Variants in KCNQ5 observed in about 807,000 individuals in gnomAD.
The protein encoded by KCNQ5 is potassium voltage-gated channel subfamily Q member 5.
In KCNQ5, 30 loss-of-function variants were observed where a neutral mutation model predicts 98.2. That is an observed-to-expected ratio of 0.31 (90% CI 0.23 to 0.41). KCNQ5 has a LOEUF of 0.41. Among genes scored for constraint, KCNQ5 ranks in the 10% least tolerant of loss-of-function variants. The probability of loss-of-function intolerance (pLI) is 1.00; values close to 1 mark genes in which losing one functional copy is unlikely to be tolerated. For missense variants in KCNQ5, 835 were observed against 1,182.5 expected (o/e 0.71, Z 4.31); for synonymous variants, 458 against 449.4 (o/e 1.02, Z -0.24).
chr6:73,010,392 ACC>A (rs778050293), intron 2 of KCNQ5, among the ~76,000 whole-genome samples: 186 of 152,136 alleles, frequency 1.2e-3, no homozygotes, highest in Non-Finnish European at 9.1e-4. Context: ...CATATGAAAA[ACC>A]TACAGCCAAC....
In KCNQ5 at chr6:72,902,436, G is replaced by A. The variant is rs1001276243; in HGVS notation, c.399-101472G>A. On this transcript the variant is annotated intron_variant, in intron 1 of 13. Coordinates refer to ENST00000370398, the MANE Select transcript of KCNQ5 (RefSeq NM_019842.4). ...TCTTGTTCCAGTTCTAAGAGGGAAT[G>A]CTTTCAACTTTTCCCCATTCAGTAT... 1.4e-4 allele frequency among the ~76,000 whole-genome samples: 21 copies of A among 152,186 alleles called. 1 individual carries two copies. The highest frequency in any genetic ancestry group is 2.9e-5 in the Non-Finnish European group (2 of 68,032).
At chr6:72,888,492 G>A (rs1038851597) in intron 1 of KCNQ5, among the ~76,000 whole-genome samples, 4 of 152,094 alleles carry the variant, frequency 2.6e-5, no homozygotes, top group African/African-American at 4.8e-5. Flanking sequence ...AACCTTAAGC[G>A]GACAAGAGTC....
chr6:73,182,406 CTG>C (rs1160316158), intron 11 of KCNQ5, among the ~76,000 whole-genome samples: 1 of 152,142 alleles, frequency 6.6e-6, no homozygotes, highest in African/African-American at 2.4e-5. Context: ...TTGCTCCCAG[CTG>C]TGTTTAGAGA....
intron 3 of KCNQ5, among the ~76,000 whole-genome samples, chr6:73,059,477 C>T (rs1246976785): frequency 1.3e-5 from 2 of 152,018 alleles, no homozygotes; most frequent in Non-Finnish European, 2.9e-5. Context: ...TTTTTACCTG[C>T]GTGATGAAAT....
At chr6:72,977,245 A>G (rs559337121) in intron 1 of KCNQ5, among the ~76,000 whole-genome samples, 1 of 152,356 alleles carries the variant, frequency 6.6e-6, no homozygotes, top group South Asian at 2.1e-4. Flanking sequence ...TACCTGGGAC[A>G]CAAAGAGTAT....
At chr6:73,052,956 T>A (rs1217028819) in intron 3 of KCNQ5, among the ~76,000 whole-genome samples, 1 of 152,142 alleles carries the variant, frequency 6.6e-6, no homozygotes, top group Non-Finnish European at 1.5e-5. Context: ...AGTGGCAAGT[T>A]GGACAAAGAA....
chr6:72,638,535 G>C (rs1352602241), intron 1 of KCNQ5, among the ~76,000 whole-genome samples: 1 of 152,030 alleles, frequency 6.6e-6, no homozygotes, highest in Non-Finnish European at 1.5e-5. Flanking sequence ...TACTGGAGAA[G>C]ACAGAATATT....
rs957131520 is a variant in KCNQ5 at position 72,942,070 on chromosome 6, G to A, written c.399-61838G>A. 1.1e-4 allele frequency among the ~76,000 whole-genome samples: 17 copies of A among 152,154 alleles called. 1 individual carries two copies. ...CAGTAACTCCTACAGAGAACCTGTG[G>A]CCTGAGCTGCCATTTTAAGAATGTG... On this transcript the variant is annotated intron_variant, in intron 1 of 13. Coordinates refer to ENST00000370398, the MANE Select transcript of KCNQ5 (RefSeq NM_019842.4).
chr6:72,638,404 G>C (rs899611080), intron 1 of KCNQ5, among the ~76,000 whole-genome samples: 2 of 152,102 alleles, frequency 1.3e-5, no homozygotes, highest in African/African-American at 4.8e-5. Flanking sequence ...CAGAGCTAGT[G>C]GGTATGGAGT....
At chr6:73,068,191 G>A (rs957156237) in intron 3 of KCNQ5, among the ~76,000 whole-genome samples, 8 of 152,118 alleles carry the variant, frequency 5.3e-5, no homozygotes, top group Non-Finnish European at 8.8e-5. Flanking sequence ...AGCTACTGGG[G>A]AGGCTGAGGC....
intron 1 of KCNQ5, among the ~76,000 whole-genome samples, chr6:72,865,613 C>T (rs1298947927): frequency 1.3e-5 from 2 of 152,168 alleles, no homozygotes; most frequent in Non-Finnish European, 2.9e-5. Context: ...CACTGAGACG[C>T]CAGCTGGAGA....
At chr6:72,723,713 T>C (rs1770102208) in intron 1 of KCNQ5, among the ~76,000 whole-genome samples, 1 of 152,176 alleles carries the variant, frequency 6.6e-6, no homozygotes, top group South Asian at 2.1e-4. Context: ...TTAAGTACTT[T>C]AAAATCCATT....
intron 3 of KCNQ5, among the ~76,000 whole-genome samples, chr6:73,051,155 A>G (rs1450075541): frequency 6.6e-6 from 1 of 152,248 alleles, no homozygotes; most frequent in African/African-American, 2.4e-5. Flanking sequence ...AGAAATGCCA[A>G]TGCAAACATG....
chr6:72,994,331 C>T (rs1401142331), intron 1 of KCNQ5, among the ~76,000 whole-genome samples: 10 of 40,060 alleles, frequency 2.5e-4, no homozygotes, highest in Middle Eastern at 0.012. Context: ...GCGTAGGACC[C>T]TCTGAGCCAG....
chr6:72,768,381 T>C (rs900547062), intron 1 of KCNQ5, among the ~76,000 whole-genome samples: 1 of 151,910 alleles, frequency 6.6e-6, no homozygotes, highest in African/African-American at 2.4e-5. Context: ...GGAAGATAAC[T>C]TCTGATAGCT....
At chr6:72,664,111 G>C (rs1766666866) in intron 1 of KCNQ5, among the ~76,000 whole-genome samples, 1 of 152,138 alleles carries the variant, frequency 6.6e-6, no homozygotes, top group Non-Finnish European at 1.5e-5. Context: ...TTATTCCAAA[G>C]TGCTAGTGGA....
chr6:72,681,766 G>A (rs1038209310), intron 1 of KCNQ5, among the ~76,000 whole-genome samples: 2 of 152,204 alleles, frequency 1.3e-5, no homozygotes, highest in East Asian at 3.8e-4. Context: ...AGATGTGATA[G>A]AGTTTTCATG....
At chr6:72,660,003 G>C (rs878882820) in intron 1 of KCNQ5, among the ~76,000 whole-genome samples, 2 of 152,056 alleles carry the variant, frequency 1.3e-5, no homozygotes, top group African/African-American at 4.8e-5. Context: ...TCCTACTTCC[G>C]TTCTTGTCCC....
At chr6:73,163,791 T>C (rs1777699983) in intron 10 of KCNQ5, among the ~76,000 whole-genome samples, 2 of 152,052 alleles carry the variant, frequency 1.3e-5, no homozygotes, top group Non-Finnish European at 2.9e-5. Context: ...TAGCATACAA[T>C]AATCATACAA....
Sources: gnomAD v4.1 joint callset for allele counts (sites outside exome capture counted in the v4.1 genomes callset) on GRCh38, gnomAD v4.1.1 for gene constraint, MANE v1.5 for transcripts, NCBI Gene and HGNC (gene_info 2026-07-23, HGNC 2026-07-21) for gene names.